EPHA3: variants seen among roughly 807,000 people sequenced by gnomAD.
The protein encoded by EPHA3 is EPH receptor A3.
In EPHA3, 42 loss-of-function variants were observed where a neutral mutation model predicts 107.1. The observed-to-expected ratio is 0.39, with a 90% CI of 0.31 to 0.51. The LOEUF is 0.51. Among genes scored for constraint, EPHA3 ranks in the 20% least tolerant of loss-of-function variants. The pLI, the probability that EPHA3 is intolerant of heterozygous loss-of-function variation, is 0.78. For missense variants in EPHA3, 1,183 were observed against 1,211.2 expected, an observed-to-expected ratio of 0.98 and a Z score of 0.35; for synonymous variants, 461 against 424.8, an observed-to-expected ratio of 1.09 and a Z score of -1.05.
chr3:89,420,362 G>A (rs771635804), intron 11 of EPHA3, among the ~76,000 whole-genome samples: 3 of 151,418 alleles, frequency 2.0e-5, no homozygotes, highest in South Asian at 2.1e-4. Flanking sequence ...GACTAAAAAG[G>A]CATTTCCTTC....
chr3:89,437,109 AC>A (rs1032908111), intron 13 of EPHA3, among the ~76,000 whole-genome samples: 70 of 152,052 alleles, frequency 4.6e-4, no homozygotes, highest in African/African-American at 1.7e-3. Flanking sequence ...TATCTTGTGG[AC>A]CCCTAAAATG....
At chr3:89,392,909 A>G (rs1708773926) in intron 5 of EPHA3, among the ~76,000 whole-genome samples, 1 of 152,188 alleles carries the variant, frequency 6.6e-6, no homozygotes, top group African/African-American at 2.4e-5. Context: ...AGTATTCTAG[A>G]AAACTTTTTA....
chr3:89,408,434 G>A (rs561243065), intron 9 of EPHA3, among the ~76,000 whole-genome samples: 2 of 152,176 alleles, frequency 1.3e-5, no homozygotes, highest in African/African-American at 2.4e-5. Context: ...AATGCAAAGC[G>A]TATCTTCAAT....
chr3:89,393,391 A>G (rs985843687), intron 5 of EPHA3, among the ~76,000 whole-genome samples: 1 of 152,226 alleles, frequency 6.6e-6, no homozygotes, highest in Non-Finnish European at 1.5e-5. Flanking sequence ...CAAAGCTTTC[A>G]TGAAAAAGTT....
In EPHA3 at chr3:89,236,513, G is replaced by C. The variant is rs1290731681; in HGVS notation, c.814+25993G>C. ...ACGAAATTTAGCAATATAGTATTAA[G>C]TAAAGAGTAAGTCCTTATGAGAACA... On this transcript the variant is annotated intron_variant, in intron 3 of 16. Coordinates refer to ENST00000336596, the MANE Select transcript of EPHA3 (RefSeq NM_005233.6). Among the ~76,000 whole-genome samples, 5 of 142,974 alleles carry C rather than the reference G, an allele frequency of 3.5e-5. No individual in the cohort carries two copies. The East Asian group carries it at 1.1e-3, about 31-fold the overall frequency. The allele number at this position is 142,974 out of a possible 152,430, so 93.8% of individuals were successfully genotyped here.
At position 89,107,782 on chromosome 3, in the gene EPHA3, A is replaced by G. The variant is rs1707006783; in HGVS notation, c.34A>G (p.Ser12Gly). ...DCQLSILLLLSCSVLDSFGEL... is the reference protein window; with the variant it reads ...DCQLSILLLLGCSVLDSFGEL... ...TCAGCTCTCCATCCTCCTCCTTCTC[A>G]GCTGCTCTGTTCTCGACAGCTTCGG... Residue 12 changes from serine to glycine, a missense_variant, in exon 1 of 17, where the codon AGC becomes GGC. Physicochemically the swap from Ser to Gly is moderately conservative, Grantham distance 56. Transcript: ENST00000336596. The G allele has an allele frequency of 6.2e-7, 1 of 1,614,092 alleles. No individual in the cohort carries two copies. The highest frequency in any genetic ancestry group is 2.2e-5 in the East Asian group (1 of 44,860).
At chr3:89,312,188 CAAAATGTAATGT>C (rs1258728262) in intron 3 of EPHA3, among the ~76,000 whole-genome samples, 2 of 151,886 alleles carry the variant, frequency 1.3e-5, no homozygotes, top group Non-Finnish European at 2.9e-5. Flanking sequence ...ATAATATAAT[CAAAATGTAATGT>C]AAACAATATT....
At chr3:89,347,836 T>A (rs1161012938) in intron 5 of EPHA3, among the ~76,000 whole-genome samples, 1 of 151,164 alleles carries the variant, frequency 6.6e-6, no homozygotes, top group East Asian at 1.9e-4. Flanking sequence ...AGTTGTTGAA[T>A]TTTGTCAAAG....
At chr3:89,355,626 T>C (rs1707930099) in intron 5 of EPHA3, among the ~76,000 whole-genome samples, 1 of 150,844 alleles carries the variant, frequency 6.6e-6, no homozygotes, top group Non-Finnish European at 1.5e-5. Flanking sequence ...CTGGCATCTT[T>C]GTATCCTTTT....
At chr3:89,425,583 A>G (rs893664007) in intron 11 of EPHA3, among the ~76,000 whole-genome samples, 1 of 151,508 alleles carries the variant, frequency 6.6e-6, no homozygotes, top group African/African-American at 2.4e-5. Context: ...TTTCCATTTG[A>G]AATTATTAAA....
In EPHA3 at chr3:89,408,073, T is replaced by C. The variant is rs765933670; in HGVS notation, c.1704T>C (p.Cys568=). The C allele has an allele frequency of 1.6e-5, 25 of 1,612,742 alleles. No individual in the cohort carries two copies. Among genetic ancestry groups the C allele is most frequent in the Non-Finnish European group, 2.1e-5 (25 of 1,179,056 alleles). ...TTCCTTGATTTACCTCCAGGTTCTG[T>C]GGCTATAAGTCAAAACATGGGGCAG... ...VVIYVLIGRF[C]GYKSKHGADE... Residue 568 remains cysteine, a synonymous_variant, in exon 9 of 17, where the codon TGT becomes TGC. Coordinates refer to ENST00000336596, the MANE Select transcript of EPHA3 (RefSeq NM_005233.6).
chr3:89,219,688 G>GTTTTTTTTTTTTTTT lies in EPHA3; in HGVS notation c.814+9182_814+9183insTTTTTTTTTTTTTTT. Among the ~76,000 whole-genome samples, 58 of 34,440 alleles carry GTTTTTTTTTTTTTTT rather than the reference G, an allele frequency of 1.7e-3. 17 individuals are homozygous for GTTTTTTTTTTTTTTT. Among genetic ancestry groups the GTTTTTTTTTTTTTTT allele is most frequent in the African/African-American group, 3.0e-3 (25 of 8,246 alleles). 22.6% of individuals were successfully genotyped at this position (34,440 alleles called of 152,430 possible). ...TTACCTCCAAGAGGCATTTGGCAAT[G>GTTTTTTTTTTTTTTT]TTTTTTTTTTTTTTGTTTTTTGTTT... On this transcript the variant is annotated intron_variant, in intron 3 of 16. Coordinates refer to ENST00000336596, the MANE Select transcript of EPHA3 (RefSeq NM_005233.6).
At chr3:89,268,409 C>T (rs1392055810) in intron 3 of EPHA3, among the ~76,000 whole-genome samples, 1 of 151,996 alleles carries the variant, frequency 6.6e-6, no homozygotes, top group Non-Finnish European at 1.5e-5. Context: ...AAGAAAGGTT[C>T]GCTCATCTTA....
chr3:89,288,288 G>A (rs1706136467), intron 3 of EPHA3, among the ~76,000 whole-genome samples: 1 of 152,126 alleles, frequency 6.6e-6, no homozygotes, highest in Non-Finnish European at 1.5e-5. Context: ...CTAAATGGAT[G>A]TGTCACACCA....
At chr3:89,476,660 T>G (rs572939031) in intron 16 of EPHA3, among the ~76,000 whole-genome samples, 1 of 151,146 alleles carries the variant, frequency 6.6e-6, no homozygotes, top group Admixed American at 6.6e-5. Context: ...CAGGCTGGAG[T>G]GCAGTGGCGC....
Position 89,341,044 on chromosome 3 carries a change from A to G in EPHA3, c.943A>G (p.Lys315Glu), listed in dbSNP as rs1420974457. The change falls in exon 4 of 17, where the codon AAA becomes GAA. Residue 315 changes from lysine to glutamate, a missense_variant. Transcript: ENST00000336596. ...RCENNYFRAD[K>E]DPPSMACTRP... The stretch of plus-strand genomic sequence containing the variant: ...TGAGAATAATTACTTCCGGGCAGAC[A>G]AAGACCCTCCATCCATGGCTTGTAC... The G allele has an allele frequency of 6.2e-7, 1 of 1,614,076 alleles. No individual in the cohort carries two copies. The highest frequency in any genetic ancestry group is 1.1e-5 in the South Asian group (1 of 91,066).
At chr3:89,469,491 C>A (rs557294573) in intron 15 of EPHA3, among the ~76,000 whole-genome samples, 17 of 152,260 alleles carry the variant, frequency 1.1e-4, no homozygotes, top group Admixed American at 1.0e-3. Flanking sequence ...AGGGCACGAT[C>A]TAAAATTATC....
At chr3:89,330,958 C>G (rs529648717) in intron 3 of EPHA3, among the ~76,000 whole-genome samples, 1 of 151,870 alleles carries the variant, frequency 6.6e-6, no homozygotes, top group Admixed American at 6.6e-5. Flanking sequence ...GGGAAAAAAG[C>G]AAGAAGAAAA....
At chr3:89,360,045 C>T (rs533535572) in intron 5 of EPHA3, among the ~76,000 whole-genome samples, 1 of 150,002 alleles carries the variant, frequency 6.7e-6, no homozygotes, top group East Asian at 2.0e-4. Context: ...AAGAGTTTGC[C>T]AGTCCTATTT....
Sources: gnomAD v4.1 joint callset for allele counts (sites outside exome capture counted in the v4.1 genomes callset) on GRCh38, gnomAD v4.1.1 for gene constraint, MANE v1.5 for transcripts, NCBI Gene and HGNC (gene_info 2026-07-23, HGNC 2026-07-21) for gene names.